The following DOCK2 variants were observed in gnomAD, a reference collection of about 807,000 sequenced individuals.
DOCK2 encodes dedicator of cytokinesis protein 2.
Under a neutral mutation model 248.9 loss-of-function variants are expected in DOCK2, and 87 were observed. The ratio of observed to expected loss-of-function variants is 0.35; its 90% CI spans 0.29 to 0.42. The LOEUF is 0.42. Among genes scored for constraint, DOCK2 ranks in the 10% least tolerant of loss-of-function variants. The probability of loss-of-function intolerance (pLI) is 1.00; values close to 1 mark genes in which losing one functional copy is unlikely to be tolerated. For synonymous variants in DOCK2, 805 were observed against 821.6 expected (o/e 0.98, Z 0.35); for missense variants, 1,747 against 2,300.2 (o/e 0.76, Z 4.92).
rs997062361 is a variant in DOCK2, at chr5:169,864,545, A to G, written c.2799+23693A>G. ...ATCTCTCAGCCCCAACTAATATGGA[A>G]GAGCATGAGCTTTGGGATCAAATCC... On this transcript the variant is annotated intron_variant, in intron 27 of 51. Coordinates refer to ENST00000520908, the MANE Select transcript of DOCK2 (RefSeq NM_004946.3). 6 of 1,078,820 alleles carry G rather than the reference A, an allele frequency of 5.6e-6. No homozygotes were observed. In the African/African-American group the frequency reaches 9.6e-5, roughly 17 times the overall value. The allele number at this position is 1,078,820 out of a possible 1,614,324, so 66.8% of individuals were successfully genotyped here. A position where few individuals can be genotyped will look rare whatever the true frequency, so the allele number is the denominator to read the frequency against.
intron 29 of DOCK2, among the ~76,000 whole-genome samples, chr5:169,987,443 G>A (rs1435585523): frequency 6.6e-6 from 1 of 152,192 alleles, no homozygotes; most frequent in Non-Finnish European, 1.5e-5. Context: ...TTCTTCAAAG[G>A]AAAATCTAGA....
At chr5:169,941,274 C>A (rs1581449635) in intron 27 of DOCK2, among the ~76,000 whole-genome samples, 1 of 152,262 alleles carries the variant, frequency 6.6e-6, no homozygotes, top group East Asian at 1.9e-4. Context: ...AATGGATAAT[C>A]TCGGCTCACT....
At position 170,079,030 on chromosome 5, in the gene DOCK2, A is replaced by G; in HGVS notation, c.5050A>G (p.Ile1684Val). Residue 1684 changes from isoleucine (I) to valine (V), a missense_variant, in exon 49 of 52, where the codon ATC (isoleucine) becomes GTC (valine). Physicochemically the swap from Ile to Val is conservative, Grantham distance 29 (BLOSUM62 3). This residue lies in a region of DOCK2 where 513 missense variants were observed against 586.1 expected (regional missense o/e 0.88). Coordinates refer to ENST00000520908, the MANE Select transcript of DOCK2 (RefSeq NM_004946.3). ...GCCGAGAGTGGAGCAGGAGGAACCG[A>G]TCTCCCCGGGGAGCACCCTGCCTGA... The part of the protein sequence containing the change: ...KTPRVEQEEP[I>V]SPGSTLPEVK... 5.0e-6 allele frequency: 8 copies of G among 1,614,138 alleles called. No homozygotes were observed. Among genetic ancestry groups the G allele is most frequent in the African/African-American group, 2.7e-5 (2 of 75,046 alleles).
At chr5:170,049,304 G>T (rs1368225086) in intron 40 of DOCK2, among the ~76,000 whole-genome samples, 1 of 152,120 alleles carries the variant, frequency 6.6e-6, no homozygotes, top group Admixed American at 6.5e-5. Flanking sequence ...TAGTAGAGAC[G>T]GTGTTTCACC....
intron 27 of DOCK2, among the ~76,000 whole-genome samples, chr5:169,850,313 C>G (rs755784943): frequency 2.0e-5 from 3 of 152,166 alleles, no homozygotes; most frequent in African/African-American, 4.8e-5. Context: ...AAGGAGGAAG[C>G]TAGGATTTGT....
At position 170,003,390 on chromosome 5, in the gene DOCK2, A is replaced by G. The variant is rs1442600470; in HGVS notation, c.3073-5107A>G. ...TGACACATGTGCTCTTGACTACCAG[A>G]CAGTGCTGTCATGAGAAACAAATGG... On this transcript the variant is annotated intron_variant, in intron 30 of 51. Transcript: ENST00000520908. Among the ~76,000 whole-genome samples, 2 of 152,258 alleles carry G rather than the reference A, an allele frequency of 1.3e-5. 1 individual carries two copies. The highest frequency in any genetic ancestry group is 3.8e-4 in the East Asian group (2 of 5,204).
intron 28 of DOCK2, among the ~76,000 whole-genome samples, chr5:169,985,473 A>G (rs1431669227): frequency 6.6e-6 from 1 of 152,008 alleles, no homozygotes; most frequent in Non-Finnish European, 1.5e-5. Context: ...TATTTGCTCA[A>G]TGACCTGAGA....
intron 2 of DOCK2, among the ~76,000 whole-genome samples, 164 bp from the exon 3 acceptor site, chr5:169,669,124 A>G (rs1375468093): frequency 1.3e-5 from 2 of 152,192 alleles, no homozygotes; most frequent in Admixed American, 1.3e-4. Flanking sequence ...AACCAATTCA[A>G]CAGATTTCAA....
chr5:170,027,954 T>C lies in DOCK2; in HGVS notation c.3467+6T>C. 1 of 1,610,518 alleles carries C rather than the reference T, an allele frequency of 6.2e-7. No individual in the cohort carries two copies. Among genetic ancestry groups the C allele is most frequent in the South Asian group, 1.1e-5 (1 of 90,410 alleles). ...ATGCAGCTCCTGGAGTCAATGTAAG[T>C]TCAGTGCCCTGTGTGTAGGAACAGC... is the stretch of plus-strand genomic sequence containing the variant. On this transcript the variant is annotated splice_donor_region_variant and intron_variant, in intron 34 of 51. Coordinates refer to ENST00000520908, the MANE Select transcript of DOCK2 (RefSeq NM_004946.3).
At chr5:169,652,236 G>A (rs1757847648) in intron 1 of DOCK2, among the ~76,000 whole-genome samples, 1 of 152,228 alleles carries the variant, frequency 6.6e-6, no homozygotes, top group African/African-American at 2.4e-5. Context: ...CAGGGTGCAA[G>A]CCTTGGCAAG....
intron 27 of DOCK2, among the ~76,000 whole-genome samples, chr5:169,956,461 A>G (rs1260821926): frequency 1.3e-5 from 2 of 152,242 alleles, no homozygotes; most frequent in African/African-American, 4.8e-5. Context: ...TTTAAGCACA[A>G]CAGGTTGGAT....
At chr5:169,931,410 G>A (rs901798799) in intron 27 of DOCK2, among the ~76,000 whole-genome samples, 12 of 152,152 alleles carry the variant, frequency 7.9e-5, no homozygotes, top group African/African-American at 1.9e-4. Flanking sequence ...CACTTCTCCC[G>A]TTCGCCTGAA....
chr5:169,686,592 C>T (rs1343966598), intron 8 of DOCK2, among the ~76,000 whole-genome samples: 1 of 152,180 alleles, frequency 6.6e-6, no homozygotes, highest in Non-Finnish European at 1.5e-5. Flanking sequence ...TCTGGGAACA[C>T]TCCCAATGTC....
chr5:169,810,200 T>A (rs187256380), intron 26 of DOCK2, among the ~76,000 whole-genome samples: 1 of 152,156 alleles, frequency 6.6e-6, no homozygotes, highest in East Asian at 1.9e-4. Flanking sequence ...AGCAGGGTAT[T>A]CTTCTTTTTG....
rs927225316 is a variant in DOCK2 at position 169,637,300 on chromosome 5, G to C, written c.-27G>C. ...AGCCACCCCCTGACGGCTTCCCCAC[G>C]GGAGGACGCGAGGCCCCGGCCCAGC... On this transcript the variant is annotated 5_prime_UTR_variant, in exon 1 of 52. Transcript: ENST00000520908. 10 of 1,430,544 alleles carry C rather than the reference G, an allele frequency of 7.0e-6. No individual in the cohort carries two copies. In the African/African-American group the frequency reaches 7.5e-5, roughly 11 times the overall value. 88.6% of individuals were successfully genotyped at this position (1,430,544 alleles called of 1,614,324 possible). A position where few individuals can be genotyped will look rare whatever the true frequency, so the allele number is the denominator to read the frequency against.
At position 169,972,161 on chromosome 5, in the gene DOCK2, A is replaced by G. The variant is rs1409575335; in HGVS notation, c.2800-10907A>G. On this transcript the variant is annotated intron_variant, in intron 27 of 51. Coordinates refer to ENST00000520908, the MANE Select transcript of DOCK2 (RefSeq NM_004946.3). ...CTTTCCCATTCTTAGCTCAATCTCT[A>G]TCAATCTTGTAGTTTCTCAAATCCT... Among the ~76,000 whole-genome samples the G allele has an allele frequency of 3.9e-5, 6 of 152,212 alleles. No homozygotes were observed. In the East Asian group the frequency reaches 7.7e-4, roughly 20 times the overall value.
Position 170,080,243 on chromosome 5 carries a change from T to G in DOCK2, c.5247T>G (p.Ser1749=). The change falls in exon 50 of 52, where the codon TCT becomes TCG. Residue 1749 remains serine (S), a synonymous_variant. Coordinates refer to ENST00000520908, the MANE Select transcript of DOCK2 (RefSeq NM_004946.3). ...TCCCCCTCAAGGCGTCTGTCCTCTC[T>G]CAAATGAGCTTTGCCAGCCAGTCCA... ...AAIPLKASVL[S]QMSFASQSMP... 6.2e-7 allele frequency: 1 copy of G among 1,614,106 alleles called. No homozygotes were observed. The highest frequency in any genetic ancestry group is 8.5e-7 in the Non-Finnish European group (1 of 1,180,014).
At chr5:170,017,384 G>A (rs541334169) in intron 32 of DOCK2, among the ~76,000 whole-genome samples, 1 of 152,212 alleles carries the variant, frequency 6.6e-6, no homozygotes, top group African/African-American at 2.4e-5. Flanking sequence ...CAATAATAGG[G>A]TTGCTTGAAT....
Position 169,763,744 on chromosome 5 carries a change from AG to A in DOCK2, c.2554+2120del, listed in dbSNP as rs1764617022. On this transcript the variant is annotated intron_variant, in intron 25 of 51. Coordinates refer to ENST00000520908, the MANE Select transcript of DOCK2 (RefSeq NM_004946.3). This position sits in a 1 kb window ranked among gnomAD's most constrained non-coding sequence, Gnocchi z 4.1. ...CCCTGGCGTTGTACACAGTTAAAAA[AG>A]AAAGCAAAATTCTTACCTTTAAATA... 6.6e-6 allele frequency among the ~76,000 whole-genome samples: 1 copy of A among 152,280 alleles called. No individual in the cohort carries two copies.
Sources: gnomAD v4.1 joint callset for allele counts (sites outside exome capture counted in the v4.1 genomes callset) on GRCh38, gnomAD v4.1.1 for gene constraint, gnomAD v4.1.1 regional missense constraint, Gnocchi (gnomAD v3.1) non-coding constraint, MANE v1.5 for transcripts, NCBI Gene and HGNC (gene_info 2026-07-23, HGNC 2026-07-21) for gene names.